Variants in TFDP1 observed in about 807,000 individuals in gnomAD.
TFDP1 encodes the protein transcription factor Dp-1.
TFDP1 carries 6 observed loss-of-function variants against 48.0 expected under a neutral mutation model. That is an observed-to-expected ratio of 0.13 (90% CI 0.07 to 0.25). The LOEUF is 0.25. Ranked by LOEUF, TFDP1 falls within the 10% of genes least tolerant of loss-of-function variation. The pLI is 1.00. For missense variants in TFDP1, 335 were observed against 543.0 expected (o/e 0.62, Z 3.81); for synonymous variants, 201 against 211.6 (o/e 0.95, Z 0.44).
intron 3 of TFDP1, among the ~76,000 whole-genome samples, chr13:113,614,005 TGA>T (rs2048787222): frequency 1.4e-5 from 2 of 148,020 alleles, no homozygotes; most frequent in Admixed American, 1.4e-4. Flanking sequence ...TGAGTTCACG[TGA>T]GTTGTGTCAG....
rs750987163 is a variant in TFDP1 at position 113,634,080 on chromosome 13, G to A, written c.618+47G>A. On this transcript the variant is annotated intron_variant, in intron 7 of 11. Coordinates refer to ENST00000375370, the MANE Select transcript of TFDP1 (RefSeq NM_007111.5). ...AACCTTGATTTCCCTTCAAGTCCGT[G>A]TAGATGTTTTAGTCGTCGGTCACTC... 8.1e-6 allele frequency: 13 copies of A among 1,613,574 alleles called. No individual in the cohort carries two copies. The Admixed American group carries it at 1.8e-4, about 23-fold the overall frequency.
intron 3 of TFDP1, among the ~76,000 whole-genome samples, chr13:113,614,358 G>A (rs1478149011): frequency 1.3e-5 from 2 of 152,156 alleles, no homozygotes; most frequent in Non-Finnish European, 2.9e-5. Flanking sequence ...TTGGGAGTGG[G>A]GTGGTCCAGG....
intron 10 of TFDP1, chr13:113,637,331 G>GCCGTATC: frequency 6.8e-6 from 2 of 293,654 alleles, no homozygotes; most frequent in South Asian, 3.1e-5. Flanking sequence ...GAGGGTCAGA[G>GCCGTATC]ATTCCTCCCT....
chr13:113,621,913 C>T (rs1053773529), intron 3 of TFDP1, among the ~76,000 whole-genome samples: 1 of 152,212 alleles, frequency 6.6e-6, no homozygotes, highest in Non-Finnish European at 1.5e-5. Context: ...TGGTCACGCT[C>T]CTAGTCCACC....
chr13:113,597,324 G>A (rs1465052273), intron 2 of TFDP1, among the ~76,000 whole-genome samples: 1 of 152,258 alleles, frequency 6.6e-6, no homozygotes, highest in Non-Finnish European at 1.5e-5. Context: ...ACCTCCCACA[G>A]GCTGGCGGTA....
chr13:113,633,374 A>G lies in TFDP1; in HGVS notation c.474+89A>G. On this transcript the variant is annotated intron_variant, in intron 6 of 11. Transcript: ENST00000375370. The surrounding 1 kb of genome is among the most constrained non-coding windows in gnomAD (Gnocchi z 4.5). ...TCTTTTAATATCGGGAACAGTTAAAACCATACAGAAAATGCCAAGTACAGC... is the reference window on the plus strand; with the variant it reads ...TCTTTTAATATCGGGAACAGTTAAAGCCATACAGAAAATGCCAAGTACAGC... 1.2e-6 allele frequency: 1 copy of G among 810,560 alleles called. No homozygotes were observed. The highest frequency in any genetic ancestry group is 1.7e-5 in the South Asian group (1 of 60,454). The allele number at this position is 810,560 out of a possible 1,614,324, so 50.2% of individuals were successfully genotyped here.
chr13:113,622,200 G>A (rs994092741), intron 3 of TFDP1, among the ~76,000 whole-genome samples: 5 of 152,186 alleles, frequency 3.3e-5, no homozygotes, highest in African/African-American at 1.2e-4. Flanking sequence ...GGCATTCGGG[G>A]CCACTACCGG....
chr13:113,593,317 C>T (rs1428947710), intron 2 of TFDP1, among the ~76,000 whole-genome samples: 20 of 118,898 alleles, frequency 1.7e-4, no homozygotes, highest in Admixed American at 3.5e-4. Flanking sequence ...GTGTGGTGTG[C>T]GCAGGTCCTC....
intron 4 of TFDP1, among the ~76,000 whole-genome samples, chr13:113,625,333 C>T (rs1470852495): frequency 0.021 from 2,561 of 119,178 alleles, 1 homozygote; most frequent in Admixed American, 0.03. Flanking sequence ...TCAGGCGTCT[C>T]TCACGTGTCC....
At chr13:113,634,470 G>A in intron 7 of TFDP1, 64 bp from the exon 8 acceptor site, 1 of 1,432,196 alleles carries the variant, frequency 7.0e-7, no homozygotes, top group Non-Finnish European at 9.7e-7. Flanking sequence ...GAGGATGTGG[G>A]TTTTAAAAAA....
rs527886370 is a variant in TFDP1, at chr13:113,595,675, C to T, written c.12+9826C>T. Among the ~76,000 whole-genome samples, 14 of 152,356 alleles carry T rather than the reference C, an allele frequency of 9.2e-5. No homozygotes were observed. In the South Asian group the frequency reaches 1.0e-3, roughly 11 times the overall value. ...TCCTGGAGGTGAAATTGCCTGTGCG[C>T]GTGCATGTCTGTGAGTGCAGATGCT... On this transcript the variant is annotated intron_variant, in intron 2 of 11. Transcript: ENST00000375370.
At chr13:113,618,011 T>C (rs1026496608) in intron 3 of TFDP1, among the ~76,000 whole-genome samples, 1 of 152,254 alleles carries the variant, frequency 6.6e-6, no homozygotes, top group Admixed American at 6.5e-5. Flanking sequence ...ATGCTGTATA[T>C]AAAATGTTTT....
At chr13:113,592,399 C>T (rs754877187) in intron 2 of TFDP1, among the ~76,000 whole-genome samples, 1 of 152,336 alleles carries the variant, frequency 6.6e-6, no homozygotes, top group South Asian at 2.1e-4. Flanking sequence ...TCAGGTGATC[C>T]GCCCGCCTTG....
intron 2 of TFDP1, among the ~76,000 whole-genome samples, chr13:113,601,275 C>T (rs908358708): frequency 4.8e-5 from 7 of 145,562 alleles, no homozygotes; most frequent in Non-Finnish European, 7.5e-5. Context: ...CAGCCTGTCC[C>T]GGGCGGCCCT....
chr13:113,638,398 T>C (rs1469196141), intron 11 of TFDP1, among the ~76,000 whole-genome samples: 1 of 151,974 alleles, frequency 6.6e-6, no homozygotes, highest in East Asian at 1.9e-4. Flanking sequence ...ATAGCGCATG[T>C]ATTTTTCAGA....
At chr13:113,625,864 C>T in intron 4 of TFDP1, among the ~76,000 whole-genome samples, 1 of 143,816 alleles carries the variant, frequency 7.0e-6, no homozygotes, top group Non-Finnish European at 1.5e-5. Flanking sequence ...CTCACGCGTC[C>T]TCAGGTGTCT....
rs1344709626 is a variant in TFDP1 at position 113,598,278 on chromosome 13, TG to T, written c.12+12430del. On this transcript the variant is annotated intron_variant, in intron 2 of 11. Coordinates refer to ENST00000375370, the MANE Select transcript of TFDP1 (RefSeq NM_007111.5). This position sits in a 1 kb window ranked among gnomAD's most constrained non-coding sequence, Gnocchi z 4.2. ...ACCTTTTTAACGGCTGTGGAACTGA[TG>T]TATGGGTTTTCCAGGCAGTTTTGCA... is the stretch of plus-strand genomic sequence containing the variant. Among the ~76,000 whole-genome samples the T allele has an allele frequency of 2.6e-5, 4 of 152,172 alleles. No individual in the cohort carries two copies. The highest frequency in any genetic ancestry group is 5.9e-5 in the Non-Finnish European group (4 of 68,038).
At chr13:113,612,667 G>T (rs143939906) in intron 3 of TFDP1, among the ~76,000 whole-genome samples, 1 of 152,320 alleles carries the variant, frequency 6.6e-6, no homozygotes, top group East Asian at 1.9e-4. Context: ...AATTTCTCTT[G>T]TTAGGTTACA....
chr13:113,621,598 T>G (rs1028774576), intron 3 of TFDP1, among the ~76,000 whole-genome samples: 1 of 152,260 alleles, frequency 6.6e-6, no homozygotes. Context: ...AGATAGGAGC[T>G]GAGGGGACAT....
Sources: allele counts gnomAD v4.1 joint callset (sites outside exome capture counted in the v4.1 genomes callset), GRCh38; gene constraint gnomAD v4.1.1; non-coding constraint Gnocchi (gnomAD v3.1); transcripts MANE v1.5; gene names NCBI Gene and HGNC (gene_info 2026-07-23, HGNC 2026-07-21).